The following SYNE2 variants were observed in gnomAD, a reference collection of about 807,000 sequenced individuals.
SYNE2 encodes nesprin-2.
A neutral mutation model predicts 856.3 loss-of-function variants in SYNE2; 431 were observed. The observed-to-expected ratio is 0.50, with a 90% CI of 0.47 to 0.55. The LOEUF is 0.55. Among genes scored for constraint, SYNE2 ranks in the 20% least tolerant of loss-of-function variants. The pLI is 0.00. For missense variants in SYNE2, 8,129 were observed against 8,023.2 expected, an observed-to-expected ratio of 1.01 and a Z score of -0.50; for synonymous variants, 2,923 against 2,872.3, an observed-to-expected ratio of 1.02 and a Z score of -0.56.
At chr14:64,045,970 A>G (rs951355168) in intron 45 of SYNE2, among the ~76,000 whole-genome samples, 1 of 152,202 alleles carries the variant, frequency 6.6e-6, no homozygotes, top group African/African-American at 2.4e-5. Context: ...TTAAGACATC[A>G]ATTTCTACCT....
chr14:64,223,096 C>T, intron 112 of SYNE2, 93 bp from the exon 113 acceptor site: 1 of 1,349,794 alleles, frequency 7.4e-7, no homozygotes, highest in Non-Finnish European at 1.1e-6. Flanking sequence ...ATCATTCATT[C>T]TGGAATTTTT....
At chr14:63,775,283 CT>C (rs1163183887) in intron 1 of SYNE2, among the ~76,000 whole-genome samples, 2 of 151,056 alleles carry the variant, frequency 1.3e-5, no homozygotes, top group Non-Finnish European at 3.0e-5. Flanking sequence ...CCTTTATTTA[CT>C]TATTTTTTGA....
chr14:64,175,036 TAAAG>T lies in SYNE2; in HGVS notation c.17330_17333del (p.Lys5777SerfsTer24). 1 of 1,614,154 alleles carries T rather than the reference TAAAG, an allele frequency of 6.2e-7. No homozygotes were observed. The highest frequency in any genetic ancestry group is 8.5e-7 in the Non-Finnish European group (1 of 1,180,020). On this transcript the variant is annotated frameshift_variant, in exon 95 of 116. Transcript: ENST00000555002. LOFTEE classifies it high-confidence loss of function. ...TACTGCTCACAACTGACCTGAAAAC[TAAAG>T]AGTCTGTGGGTAGGAGAATCAGTCA...
At chr14:63,985,119 C>T (rs970922699) in intron 18 of SYNE2, among the ~76,000 whole-genome samples, 2 of 152,130 alleles carry the variant, frequency 1.3e-5, no homozygotes, top group African/African-American at 4.8e-5. Flanking sequence ...CATTTGAGGT[C>T]AGGAGTTTGA....
chr14:64,075,992 T>C lies in SYNE2; in HGVS notation c.10914T>C (p.Ile3638=), dbSNP rs756664509. ...AAGGGAAACTAACTTTTGAGAATATTATGGAAAAACTGCGAATCAAGTATT... is the reference window on the plus strand; with the variant it reads ...AAGGGAAACTAACTTTTGAGAATATCATGGAAAAACTGCGAATCAAGTATT... ...LKKGKLTFEN[I]MEKLRIKYSE... The change falls in exon 54 of 116, where the codon ATT becomes ATC. Residue 3638 remains isoleucine (I), a synonymous_variant. Coordinates refer to ENST00000555002, the MANE Select transcript of SYNE2 (RefSeq NM_182914.3). 6.2e-7 allele frequency: 1 copy of C among 1,613,944 alleles called. No homozygotes were observed. The highest frequency in any genetic ancestry group is 1.1e-5 in the South Asian group (1 of 91,072).
At chr14:64,156,416 G>C (rs1175868307) in intron 85 of SYNE2, among the ~76,000 whole-genome samples, 2 of 151,892 alleles carry the variant, frequency 1.3e-5, no homozygotes, top group East Asian at 3.9e-4. Context: ...ACATCGATGA[G>C]GAATTCCTTC....
intron 2 of SYNE2, among the ~76,000 whole-genome samples, chr14:63,939,966 T>C (rs2095884220): frequency 6.6e-6 from 1 of 152,200 alleles, no homozygotes; most frequent in Non-Finnish European, 1.5e-5. Flanking sequence ...GGGGTCATCT[T>C]TACTAAACGG....
chr14:64,010,931 G>A (rs940672806), intron 32 of SYNE2, among the ~76,000 whole-genome samples: 3 of 152,182 alleles, frequency 2.0e-5, no homozygotes, highest in African/African-American at 7.2e-5. Context: ...GAGTCACCAC[G>A]CCTGGCCTTT....
At chr14:63,820,493 A>G (rs1243797977) in intron 1 of SYNE2, among the ~76,000 whole-genome samples, 1 of 152,228 alleles carries the variant, frequency 6.6e-6, no homozygotes, top group African/African-American at 2.4e-5. Context: ...TGGACTAGGC[A>G]TAGTTCTTAC....
At chr14:63,852,983 G>C (rs1215562753), upstream of SYNE2, 1 of 151,734 alleles carries the variant, frequency 6.6e-6, no homozygotes, top group African/African-American at 2.4e-5. Context: ...CTTTCCGAGC[G>C]CCAAGGAGCG....
At position 63,986,486 on chromosome 14, in the gene SYNE2, G is replaced by A. The variant is rs1226004476; in HGVS notation, c.2182G>A (p.Glu728Lys). The A allele has an allele frequency of 6.2e-7, 1 of 1,614,090 alleles. No individual in the cohort carries two copies. The highest frequency in any genetic ancestry group is 8.5e-7 in the Non-Finnish European group (1 of 1,180,002). Residue 728 changes from glutamate (E) to lysine (K), a missense_variant, in exon 19 of 116, where the codon GAA becomes AAA. Transcript: ENST00000555002. The part of the protein sequence containing the change: ...AGEKHEKENE[E>K]FTGQLKVAKD... ...AGAGAAACATGAAAAAGAAAATGAAGAATTCACAGGGCAACTAAAAGTGGC... is the reference window on the plus strand; with the variant it reads ...AGAGAAACATGAAAAAGAAAATGAAAAATTCACAGGGCAACTAAAAGTGGC...
At chr14:64,117,206 G>GT (rs2097859463) in intron 66 of SYNE2, among the ~76,000 whole-genome samples, 1 of 152,140 alleles carries the variant, frequency 6.6e-6, no homozygotes, top group Non-Finnish European at 1.5e-5. Context: ...TTTGCATTTG[G>GT]TTTTTTGGGA....
At chr14:63,871,167 CAAG>C (rs1489738813) in intron 1 of SYNE2, among the ~76,000 whole-genome samples, 3 of 151,194 alleles carry the variant, frequency 2.0e-5, no homozygotes, top group Non-Finnish European at 4.4e-5. Flanking sequence ...AATACAAACT[CAAG>C]AAGGACAGAA....
In SYNE2 at chr14:63,941,786, A is replaced by T; in HGVS notation, c.233A>T (p.Gln78Leu). 6.2e-7 allele frequency: 1 copy of T among 1,614,016 alleles called. No homozygotes were observed. Among genetic ancestry groups the T allele is most frequent in the Non-Finnish European group, 8.5e-7 (1 of 1,179,900 alleles). ...LDLLEVLSGQ[Q>L]LPRDKGSNTF... ...CTGCTAGAAGTACTTTCTGGGCAAC[A>T]GTTGGTAAGATTTTTAAATGACACT... Residue 78 changes from glutamine (Q) to leucine (L), a missense_variant, in exon 4 of 116, where the codon CAG becomes CTG. Physicochemically the swap from Gln to Leu is moderately radical, Grantham distance 113 (BLOSUM62 -2). Transcript: ENST00000555002.
chr14:64,173,954 A>G, intron 94 of SYNE2: 1 of 696,778 alleles, frequency 1.4e-6, no homozygotes, highest in Admixed American at 2.0e-5. Context: ...GACCTTCGCT[A>G]CTCTCTGCAC....
intron 1 of SYNE2, among the ~76,000 whole-genome samples, chr14:63,891,382 G>T (rs549269288): frequency 6.6e-6 from 1 of 152,294 alleles, no homozygotes; most frequent in African/African-American, 2.4e-5. Context: ...CTTATGGGAA[G>T]GTGACTAGGA....
chr14:63,979,757 G>C (rs1349254190), intron 14 of SYNE2, among the ~76,000 whole-genome samples: 5 of 152,176 alleles, frequency 3.3e-5, no homozygotes, highest in African/African-American at 1.2e-4. Context: ...AAAATTAGCT[G>C]GGCGTGGTTG....
intron 99 of SYNE2, among the ~76,000 whole-genome samples, chr14:64,193,914 A>C (rs2098529388): frequency 6.6e-6 from 1 of 152,230 alleles, no homozygotes; most frequent in Admixed American, 6.5e-5. Flanking sequence ...AGCTCAGAGA[A>C]GGTAAATAAT....
chr14:63,983,945 T>A, intron 18 of SYNE2, 59 bp downstream of exon 18: 6 of 1,330,454 alleles, frequency 4.5e-6, no homozygotes, highest in Non-Finnish European at 5.2e-6. Context: ...AACTTTGCTA[T>A]TAAAAAAAAG....
Sources: gnomAD v4.1 joint callset for allele counts (sites outside exome capture counted in the v4.1 genomes callset) on GRCh38, gnomAD v4.1.1 for gene constraint, MANE v1.5 for transcripts, NCBI Gene and HGNC (gene_info 2026-07-23, HGNC 2026-07-21) for gene names.